RYR2: variants seen among roughly 807,000 people sequenced by gnomAD.
The protein encoded by RYR2 is ryanodine receptor 2.
RYR2 carries 227 observed loss-of-function variants against 601.1 expected under a neutral mutation model. The ratio of observed to expected loss-of-function variants is 0.38; its 90% CI spans 0.34 to 0.42. The LOEUF (loss-of-function observed/expected upper bound fraction) is 0.42, where lower values mean the gene tolerates loss of function less well. RYR2 is among the 10% of genes least tolerant of loss of function. RYR2 has a pLI of 1.00. For missense variants in RYR2, 4,646 were observed against 6,156.5 expected (o/e 0.75, Z 8.21); for synonymous variants, 2,223 against 2,175.1 (o/e 1.02, Z -0.61).
At chr1:237,199,912 C>T (rs1353959549) in intron 1 of RYR2, among the ~76,000 whole-genome samples, 1 of 151,992 alleles carries the variant, frequency 6.6e-6, no homozygotes, top group Admixed American at 6.5e-5. Flanking sequence ...CCAAATTGTG[C>T]CAATTTGAAT....
intron 84 of RYR2, among the ~76,000 whole-genome samples, chr1:237,762,221 G>A (rs1327439518): frequency 6.6e-6 from 1 of 152,070 alleles, no homozygotes; most frequent in Non-Finnish European, 1.5e-5. Context: ...AGGTTTTCTG[G>A]CCTAAGGTTC....
At chr1:237,247,684 G>A (rs1304360149) in intron 1 of RYR2, among the ~76,000 whole-genome samples, 1 of 152,150 alleles carries the variant, frequency 6.6e-6, no homozygotes, top group Non-Finnish European at 1.5e-5. Context: ...GAAACATTTT[G>A]CAGAACAAAG....
rs1305866829 is a variant in RYR2 at position 237,364,302 on chromosome 1, A to C, written c.295-56A>C. The C allele has an allele frequency of 3.3e-6, 5 of 1,512,072 alleles. No individual in the cohort carries two copies. The East Asian group carries it at 1.2e-4, about 37-fold the overall frequency. The allele number at this position is 1,512,072 out of a possible 1,614,324, so 93.7% of individuals were successfully genotyped here. The stretch of plus-strand genomic sequence containing the variant: ...TATAAATAAGAGATATTTTTAAGGA[A>C]GTCTTTGAGATCGTGTCTATTTAAT... On this transcript the variant is annotated intron_variant, in intron 4 of 104. Coordinates refer to ENST00000366574, the MANE Select transcript of RYR2 (RefSeq NM_001035.3).
At chr1:237,789,623 C>T (rs73103916) in intron 92 of RYR2, among the ~76,000 whole-genome samples, 7,008 of 102,106 alleles carry the variant, frequency 0.069, 527 homozygotes, top group African/African-American at 0.19. Flanking sequence ...GGCGCTGCAG[C>T]ACCCCAGTGG....
At chr1:237,552,414 A>G (rs1670490759) in intron 27 of RYR2, among the ~76,000 whole-genome samples, 1 of 152,208 alleles carries the variant, frequency 6.6e-6, no homozygotes, top group Non-Finnish European at 1.5e-5. Flanking sequence ...AGAAATTTGT[A>G]TACAATAAAA....
intron 1 of RYR2, among the ~76,000 whole-genome samples, chr1:237,209,170 T>C (rs904322936): frequency 4.0e-5 from 6 of 150,912 alleles, no homozygotes; most frequent in Non-Finnish European, 5.9e-5. Context: ...GTAATTGAAC[T>C]ATGATTCAGC....
intron 1 of RYR2, among the ~76,000 whole-genome samples, chr1:237,256,164 T>C (rs549581337): frequency 9.9e-5 from 15 of 152,204 alleles, no homozygotes; most frequent in African/African-American, 3.1e-4. Flanking sequence ...TCTCATGAAA[T>C]CTGATGATTT....
At chr1:237,226,756 C>T (rs1244681698) in intron 1 of RYR2, among the ~76,000 whole-genome samples, 1 of 151,960 alleles carries the variant, frequency 6.6e-6, no homozygotes, top group African/African-American at 2.4e-5. Flanking sequence ...ATATGTGTCA[C>T]ATAGTGGTTT....
intron 62 of RYR2, among the ~76,000 whole-genome samples, chr1:237,685,332 A>G (rs1488534722): frequency 6.6e-6 from 1 of 152,148 alleles, no homozygotes; most frequent in African/African-American, 2.4e-5. Flanking sequence ...TGCCTTCTGT[A>G]TCTGTATTTC....
At chr1:237,343,331 A>C (rs1195587427) in intron 3 of RYR2, among the ~76,000 whole-genome samples, 1 of 152,232 alleles carries the variant, frequency 6.6e-6, no homozygotes, top group African/African-American at 2.4e-5. Flanking sequence ...AAGAAACAGC[A>C]GCTAAACCAG....
At chr1:237,315,704 G>A (rs1695039424) in intron 2 of RYR2, among the ~76,000 whole-genome samples, 1 of 152,132 alleles carries the variant, frequency 6.6e-6, no homozygotes, top group Non-Finnish European at 1.5e-5. Context: ...GTAATACAAG[G>A]CAGTTTGAGT....
intron 1 of RYR2, among the ~76,000 whole-genome samples, chr1:237,159,415 A>G (rs1418134046): frequency 4.6e-5 from 7 of 152,218 alleles, no homozygotes; most frequent in African/African-American, 1.7e-4. Flanking sequence ...GAGGTGATCA[A>G]ATAGACAGGA....
At chr1:237,690,086 C>A (rs1686806479) in intron 63 of RYR2, among the ~76,000 whole-genome samples, 1 of 152,168 alleles carries the variant, frequency 6.6e-6, no homozygotes, top group African/African-American at 2.4e-5. Flanking sequence ...ATCTGCCCAC[C>A]TCGGTCTGCC....
intron 5 of RYR2, 76 bp from the exon 6 acceptor site, chr1:237,369,458 A>G: frequency 8.2e-7 from 1 of 1,214,350 alleles, no homozygotes; most frequent in East Asian, 2.5e-5. Context: ...AGAGCAAGAG[A>G]GTATTTTATC....
intron 73 of RYR2, among the ~76,000 whole-genome samples, chr1:237,720,867 AGAATATTTTG>A (rs1251197284): frequency 3.3e-5 from 5 of 152,218 alleles, no homozygotes; most frequent in African/African-American, 1.2e-4. Context: ...GTCACTTGTA[AGAATATTTTG>A]GACAGTTTAG....
In RYR2 at chr1:237,589,870, T is replaced by C. The variant is rs1674957289; in HGVS notation, c.3676T>C (p.Tyr1226His). Residue 1226 changes from tyrosine (Y) to histidine (H), a missense_variant, in exon 30 of 105, where the codon TAT becomes CAT. Physicochemically the swap from Tyr to His is moderately conservative, Grantham distance 83. Around this residue, in one of 17 missense-constraint regions of RYR2, gnomAD observed 1,807 missense variants for 2,088.1 expected, o/e 0.87. Coordinates refer to ENST00000366574, the MANE Select transcript of RYR2 (RefSeq NM_001035.3). ...TGGAAAGGATGTCAGCACCTTGAAA[T>C]ATTTCACCATCTGTGGCTTACAAGA... Reference protein sequence around the residue: ...NFGKDVSTLKYFTICGLQEGY... With the variant: ...NFGKDVSTLKHFTICGLQEGY... The C allele has an allele frequency of 1.2e-6, 2 of 1,613,748 alleles. No homozygotes were observed.
intron 1 of RYR2, among the ~76,000 whole-genome samples, chr1:237,149,303 A>AAAC (rs1299142577): frequency 6.2e-5 from 3 of 48,472 alleles, no homozygotes; most frequent in African/African-American, 1.3e-4. Context: ...TACAAAAAAC[A>AAAC]AACAAAAACA....
intron 1 of RYR2, among the ~76,000 whole-genome samples, chr1:237,268,526 G>T (rs559896568): frequency 1.3e-5 from 2 of 152,272 alleles, no homozygotes; most frequent in East Asian, 3.9e-4. Context: ...AATGTTCACT[G>T]GAAATCAGTG....
intron 1 of RYR2, among the ~76,000 whole-genome samples, chr1:237,049,110 G>T (rs943831425): frequency 6.6e-6 from 1 of 152,198 alleles, no homozygotes; most frequent in Non-Finnish European, 1.5e-5. Context: ...CCCAGGTCCA[G>T]TGGGAGGGGA....
Sources: gnomAD v4.1 joint callset for allele counts (sites outside exome capture counted in the v4.1 genomes callset) on GRCh38, gnomAD v4.1.1 for gene constraint, gnomAD v4.1.1 regional missense constraint, MANE v1.5 for transcripts, NCBI Gene and HGNC (gene_info 2026-07-23, HGNC 2026-07-21) for gene names.